CCSER1: variants seen among roughly 807,000 people sequenced by gnomAD.
The protein encoded by CCSER1 is coiled-coil serine rich protein 1.
In CCSER1, 41 loss-of-function variants were observed where a neutral mutation model predicts 82.0. The ratio of observed to expected loss-of-function variants is 0.50; its 90% CI spans 0.39 to 0.65. CCSER1 has a LOEUF of 0.65. Among genes scored for constraint, CCSER1 ranks in the 30% least tolerant of loss-of-function variants. The pLI, the probability that CCSER1 is intolerant of heterozygous loss-of-function variation, is 0.00. For synonymous variants in CCSER1, 414 were observed against 383.9 expected, an observed-to-expected ratio of 1.08 and a Z score of -0.92; for missense variants, 1,119 against 1,064.2, an observed-to-expected ratio of 1.05 and a Z score of -0.72.
rs1322159769 is a variant in CCSER1 at position 91,602,207 on chromosome 4, G to GTGTT, written c.*3152_*3155dup. 6.6e-5 allele frequency among the ~76,000 whole-genome samples: 10 copies of GTGTT among 152,084 alleles called. No individual in the cohort carries two copies. In the East Asian group the frequency reaches 1.7e-3, roughly 26 times the overall value. The stretch of plus-strand genomic sequence containing the variant: ...TGTAGGCATAGTTGCCCCACTTAAA[G>GTGTT]TGTTTACAAAGATTTTCATGATTAA... On this transcript the variant is annotated 3_prime_UTR_variant, in exon 11 of 11. Coordinates refer to ENST00000509176, the MANE Select transcript of CCSER1 (RefSeq NM_001145065.2).
At chr4:90,633,192 A>T (rs969941540) in intron 6 of CCSER1, among the ~76,000 whole-genome samples, 4 of 152,092 alleles carry the variant, frequency 2.6e-5, no homozygotes, top group Admixed American at 2.0e-4. Flanking sequence ...AATAAATGAA[A>T]GGAAATGGAT....
chr4:90,206,330 C>T (rs1418259458), intron 1 of CCSER1, among the ~76,000 whole-genome samples: 2 of 152,152 alleles, frequency 1.3e-5, no homozygotes, highest in African/African-American at 4.8e-5. Flanking sequence ...CTCCTGTGGG[C>T]ATTTACTGCT....
intron 8 of CCSER1, among the ~76,000 whole-genome samples, chr4:90,917,538 G>A (rs372770898): frequency 1.3e-5 from 2 of 152,104 alleles, no homozygotes; most frequent in South Asian, 2.1e-4. Context: ...GGGAGGGATA[G>A]CATTAGGAGA....
At chr4:91,009,028 C>T (rs191735881) in intron 9 of CCSER1, among the ~76,000 whole-genome samples, 56 of 152,294 alleles carry the variant, frequency 3.7e-4, no homozygotes, top group African/African-American at 7.9e-4. Context: ...TTAGCCTGAT[C>T]GGGAGCGGCA....
At chr4:90,459,707 A>G (rs1309597199) in intron 4 of CCSER1, among the ~76,000 whole-genome samples, 4 of 152,188 alleles carry the variant, frequency 2.6e-5, no homozygotes, top group Non-Finnish European at 4.4e-5. Flanking sequence ...CCATAATGAC[A>G]ATATTTTAAC....
At chr4:91,319,929 T>C (rs2149263426) in intron 10 of CCSER1, among the ~76,000 whole-genome samples, 1 of 152,098 alleles carries the variant, frequency 6.6e-6, no homozygotes. Flanking sequence ...AACAAACCAA[T>C]CCTGAGTTTT....
At chr4:91,333,469 T>C (rs1020253982) in intron 10 of CCSER1, among the ~76,000 whole-genome samples, 2 of 152,074 alleles carry the variant, frequency 1.3e-5, no homozygotes, top group African/African-American at 4.8e-5. Context: ...GCCCATCATA[T>C]TCATTTGCTA....
intron 9 of CCSER1, among the ~76,000 whole-genome samples, chr4:90,975,717 A>G (rs540474610): frequency 6.6e-6 from 1 of 151,404 alleles, no homozygotes; most frequent in Non-Finnish European, 1.5e-5. Flanking sequence ...CTATGTAAGG[A>G]TATTGCAACA....
At chr4:91,224,788 A>G (rs1738019458) in intron 10 of CCSER1, among the ~76,000 whole-genome samples, 1 of 151,892 alleles carries the variant, frequency 6.6e-6, no homozygotes, top group South Asian at 2.1e-4. Context: ...AATTCCTATC[A>G]TTTCTTCTCA....
intron 1 of CCSER1, among the ~76,000 whole-genome samples, chr4:90,279,944 A>G (rs1018657505): frequency 1.1e-4 from 16 of 152,186 alleles, no homozygotes; most frequent in African/African-American, 3.8e-4. Flanking sequence ...TTTCTCTGCC[A>G]AGACAACCCA....
chr4:91,121,617 A>C (rs1204789432), intron 10 of CCSER1, among the ~76,000 whole-genome samples: 2 of 151,692 alleles, frequency 1.3e-5, no homozygotes, highest in African/African-American at 4.8e-5. Context: ...TCAAATATGC[A>C]CTATTAACTT....
At position 90,334,158 on chromosome 4, in the gene CCSER1, C is replaced by T. The variant is rs141491961; in HGVS notation, c.1509+21111C>T. The stretch of plus-strand genomic sequence containing the variant: ...ACCAAGAGAAATTCATGTATAATTG[C>T]GATAATGCACAAAGTATTTCAGTAA... On this transcript the variant is annotated intron_variant, in intron 3 of 10. Transcript: ENST00000509176. Among the ~76,000 whole-genome samples, 832 of 151,962 alleles carry T rather than the reference C, an allele frequency of 5.5e-3. 5 individuals are homozygous for T. Among genetic ancestry groups the T allele is most frequent in the African/African-American group, 0.015 (635 of 41,446 alleles).
chr4:90,691,026 A>G (rs556839589), intron 6 of CCSER1, among the ~76,000 whole-genome samples: 40 of 152,058 alleles, frequency 2.6e-4, no homozygotes, highest in Non-Finnish European at 4.7e-4. Flanking sequence ...AAGATAGGTA[A>G]TAGTTCATGT....
At chr4:90,423,931 A>C (rs1193302526) in intron 4 of CCSER1, among the ~76,000 whole-genome samples, 1 of 151,746 alleles carries the variant, frequency 6.6e-6, no homozygotes, top group African/African-American at 2.4e-5. Flanking sequence ...CTCTACTAAA[A>C]ATACAAAAAA....
intron 10 of CCSER1, among the ~76,000 whole-genome samples, chr4:91,380,603 A>C (rs149790894): frequency 2.5e-3 from 375 of 152,218 alleles, no homozygotes; most frequent in Non-Finnish European, 3.7e-3. Flanking sequence ...TGCTTGGTAC[A>C]TCTTCCTCCT....
At chr4:91,079,670 A>T (rs1011665669) in intron 9 of CCSER1, among the ~76,000 whole-genome samples, 1 of 152,182 alleles carries the variant, frequency 6.6e-6, no homozygotes, top group Non-Finnish European at 1.5e-5. Flanking sequence ...AATTCAGGAG[A>T]CCCATCTCAC....
At chr4:91,014,984 T>G (rs549326575) in intron 9 of CCSER1, among the ~76,000 whole-genome samples, 1 of 108,458 alleles carries the variant, frequency 9.2e-6, no homozygotes, top group African/African-American at 3.1e-5. Context: ...TTCAAAATTG[T>G]TTTTTTTTAA....
rs1742161410 is a variant in CCSER1, at chr4:90,345,506, G to A, written c.1509+32459G>A. 5.3e-5 allele frequency among the ~76,000 whole-genome samples: 8 copies of A among 152,060 alleles called. No individual in the cohort carries two copies. In the South Asian group the frequency reaches 1.7e-3, roughly 31 times the overall value. On this transcript the variant is annotated intron_variant, in intron 3 of 10. Coordinates refer to ENST00000509176, the MANE Select transcript of CCSER1 (RefSeq NM_001145065.2). ...TACTTGGTTATTCTCAGGACCAAAA[G>A]GTGATAATTTTTTGTGTGTGTCTGC...
intron 8 of CCSER1, chr4:90,911,249 T>C (rs1433475158): frequency 1.3e-5 from 6 of 456,134 alleles, no homozygotes; most frequent in South Asian, 9.3e-5. Flanking sequence ...AGTGTCTCCT[T>C]GATAGCTCCC....
Sources: gnomAD v4.1 joint callset for allele counts (sites outside exome capture counted in the v4.1 genomes callset) on GRCh38, gnomAD v4.1.1 for gene constraint, MANE v1.5 for transcripts, NCBI Gene and HGNC (gene_info 2026-07-23, HGNC 2026-07-21) for gene names.